ROR1: variants seen among roughly 807,000 people sequenced by gnomAD.
ROR1 encodes the protein inactive tyrosine-protein kinase transmembrane receptor ROR1.
ROR1 carries 19 observed loss-of-function variants against 78.8 expected under a neutral mutation model. The observed-to-expected ratio is 0.24, with a 90% CI of 0.17 to 0.35. The LOEUF (loss-of-function observed/expected upper bound fraction) is 0.35. Among genes scored for constraint, ROR1 ranks in the 10% least tolerant of loss-of-function variants. The pLI, the probability that ROR1 is intolerant of heterozygous loss-of-function variation, is 1.00. For synonymous variants in ROR1, 386 were observed against 433.6 expected (o/e 0.89, Z 1.36); for missense variants, 917 against 1,177.8 (o/e 0.78, Z 3.24).
At chr1:63,936,043 A>G (rs944770391) in intron 1 of ROR1, among the ~76,000 whole-genome samples, 5 of 152,206 alleles carry the variant, frequency 3.3e-5, no homozygotes, top group Non-Finnish European at 7.3e-5. Context: ...TAAAATGGGA[A>G]AGTCCATTTA....
At chr1:63,821,470 T>C (rs1015258379) in intron 1 of ROR1, among the ~76,000 whole-genome samples, 10 of 152,164 alleles carry the variant, frequency 6.6e-5, no homozygotes, top group African/African-American at 1.7e-4. Flanking sequence ...AAGAAAATCA[T>C]AGTGAGTTGA....
At chr1:63,960,953 C>T (rs1646022529) in intron 1 of ROR1, among the ~76,000 whole-genome samples, 3 of 152,186 alleles carry the variant, frequency 2.0e-5, no homozygotes. Flanking sequence ...ATTAACATGA[C>T]TATGACAACA....
chr1:63,894,756 G>T (rs554426120), intron 1 of ROR1, among the ~76,000 whole-genome samples: 1 of 152,170 alleles, frequency 6.6e-6, no homozygotes, highest in Non-Finnish European at 1.5e-5. Flanking sequence ...GACGAAACTG[G>T]TAGTTACAAA....
chr1:64,053,652 C>T (rs535873034), intron 4 of ROR1, among the ~76,000 whole-genome samples: 1 of 152,098 alleles, frequency 6.6e-6, no homozygotes, highest in South Asian at 2.1e-4. Flanking sequence ...GTCAAATATA[C>T]CTTTTTAACG....
intron 1 of ROR1, among the ~76,000 whole-genome samples, chr1:63,876,215 C>T (rs138221429): frequency 6.6e-6 from 1 of 152,152 alleles, no homozygotes; most frequent in Non-Finnish European, 1.5e-5. Context: ...GTGGCTTACA[C>T]CTCATGAGAC....
Position 64,049,617 on chromosome 1 carries a change from G to C in ROR1, c.164-74G>C. 6.7e-6 allele frequency: 9 copies of C among 1,333,960 alleles called. No homozygotes were observed. The South Asian group carries it at 1.2e-4, about 17-fold the overall frequency. The allele number at this position is 1,333,960 out of a possible 1,614,324, so 82.6% of individuals were successfully genotyped here. On this transcript the variant is annotated intron_variant, in intron 2 of 8. Transcript: ENST00000371079. Reference sequence around the variant, plus strand: ...CTCTCTGTGATCCCAAGGGTACACTGGAGGGGATTTGGCTGCTTGGAAGCC... The same window carrying C: ...CTCTCTGTGATCCCAAGGGTACACTCGAGGGGATTTGGCTGCTTGGAAGCC...
At chr1:63,996,699 T>C (rs1393496145) in intron 1 of ROR1, among the ~76,000 whole-genome samples, 1 of 152,074 alleles carries the variant, frequency 6.6e-6, no homozygotes, top group Non-Finnish European at 1.5e-5. Context: ...GTTCTTTTTT[T>C]CCCCCCTTTC....
chr1:64,030,568 G>A (rs1336994879), intron 2 of ROR1, among the ~76,000 whole-genome samples: 2 of 152,126 alleles, frequency 1.3e-5, no homozygotes, highest in Non-Finnish European at 2.9e-5. Flanking sequence ...TTCCTTCATG[G>A]AGAAGTAATC....
At chr1:63,898,762 GGCGC>G (rs1645461409) in intron 1 of ROR1, among the ~76,000 whole-genome samples, 1 of 152,020 alleles carries the variant, frequency 6.6e-6, no homozygotes, top group Non-Finnish European at 1.5e-5. Context: ...TAAGTTGTGT[GGCGC>G]CGTACTCACT....
At chr1:63,915,809 GC>G (rs1230696878) in intron 1 of ROR1, among the ~76,000 whole-genome samples, 1 of 152,062 alleles carries the variant, frequency 6.6e-6, no homozygotes, top group Admixed American at 6.5e-5. Context: ...GCTACAATTG[GC>G]ACTTGGTGCT....
intron 4 of ROR1, among the ~76,000 whole-genome samples, chr1:64,100,079 T>C (rs568539896): frequency 6.6e-6 from 1 of 152,118 alleles, no homozygotes; most frequent in South Asian, 2.1e-4. Context: ...ATTTTTCAGC[T>C]AACTGGCTAT....
At chr1:63,807,920 A>G (rs659592) in intron 1 of ROR1, among the ~76,000 whole-genome samples, 29,279 of 152,088 alleles carry the variant, frequency 0.19, 7,493 homozygotes, top group African/African-American at 0.59. Context: ...TGTCTCTCCA[A>G]CACTGTACCT....
chr1:63,906,246 G>A (rs1645527817), intron 1 of ROR1, among the ~76,000 whole-genome samples: 1 of 152,046 alleles, frequency 6.6e-6, no homozygotes, highest in Non-Finnish European at 1.5e-5. Context: ...TACGGGTCCT[G>A]ATAACCCGAA....
intron 1 of ROR1, among the ~76,000 whole-genome samples, chr1:63,936,301 A>T (rs554785197): frequency 2.5e-4 from 38 of 152,318 alleles, no homozygotes; most frequent in African/African-American, 8.7e-4. Flanking sequence ...TATCAAAGCT[A>T]AGCAAGGGGT....
At chr1:63,843,097 C>T (rs1403819751) in intron 1 of ROR1, 2 of 577,708 alleles carry the variant, frequency 3.5e-6, no homozygotes, top group African/African-American at 3.8e-5. Context: ...GGGATCCCCC[C>T]AGCCCCTCTG....
At chr1:64,121,261 C>CCTTCCTTCCTTCCTTCCAT (rs1553159804) in intron 4 of ROR1, among the ~76,000 whole-genome samples, 1 of 139,380 alleles carries the variant, frequency 7.2e-6, no homozygotes, top group African/African-American at 2.7e-5. Context: ...TTCCTTCCAT[C>CCTTCCTTCCTTCCTTCCAT]CTCCTGTTTC....
At chr1:63,886,281 G>T (rs1411003925) in intron 1 of ROR1, among the ~76,000 whole-genome samples, 1 of 152,110 alleles carries the variant, frequency 6.6e-6, no homozygotes, top group Non-Finnish European at 1.5e-5. Context: ...AACAGGCCAT[G>T]GACTAGTACT....
At chr1:64,114,831 G>T (rs777180054) in intron 4 of ROR1, among the ~76,000 whole-genome samples, 1 of 152,112 alleles carries the variant, frequency 6.6e-6, no homozygotes, top group African/African-American at 2.4e-5. Context: ...GTAAGCCAAG[G>T]CTCAGGACAT....
intron 1 of ROR1, among the ~76,000 whole-genome samples, chr1:63,856,434 T>G (rs929267687): frequency 6.6e-6 from 1 of 152,226 alleles, no homozygotes; most frequent in Non-Finnish European, 1.5e-5. Context: ...CTTTCCCCAG[T>G]GCTGGGTAGT....
Sources: allele counts gnomAD v4.1 joint callset (sites outside exome capture counted in the v4.1 genomes callset), GRCh38; gene constraint gnomAD v4.1.1; transcripts MANE v1.5; gene names NCBI Gene and HGNC (gene_info 2026-07-23, HGNC 2026-07-21).